Variants in TRAPPC9 observed in about 807,000 individuals in gnomAD.
TRAPPC9 encodes the protein trafficking protein particle complex subunit 9, also known as IKK2 binding protein.
In TRAPPC9, 83 loss-of-function variants were observed where a neutral mutation model predicts 124.0. That is an observed-to-expected ratio of 0.67 (90% CI 0.56 to 0.80). The LOEUF (loss-of-function observed/expected upper bound fraction) is 0.80. TRAPPC9 is among the 30% of genes least tolerant of loss of function. TRAPPC9 has a pLI of 0.00. For synonymous variants in TRAPPC9, 638 were observed against 617.5 expected, an observed-to-expected ratio of 1.03 and a Z score of -0.49; for missense variants, 1,302 against 1,508.3, an observed-to-expected ratio of 0.86 and a Z score of 2.27.
intron 9 of TRAPPC9, among the ~76,000 whole-genome samples, chr8:140,327,145 C>T (rs1177358077): frequency 6.6e-6 from 1 of 151,892 alleles, no homozygotes; most frequent in African/African-American, 2.4e-5. Context: ...CCCAGCTACT[C>T]GGGAGACTGA....
rs373077080 is a variant in TRAPPC9 at position 139,732,024 on chromosome 8, G to A, written c.3234C>T (p.His1078=). The change falls in exon 22 of 23, where the codon CAC becomes CAT. Residue 1078 remains histidine, a synonymous_variant. Coordinates refer to ENST00000438773, the MANE Select transcript of TRAPPC9 (RefSeq NM_001160372.4). ...TGGAGCCCACGAAGGAGACGGTGTC[G>A]TGCAGGTCGTAGTTGTGCACGCCGT... ...HQNGVHNYDL[H]DTVSFVGSST... is the part of the protein sequence containing the mutation. 2.2e-5 allele frequency: 35 copies of A among 1,601,480 alleles called. No individual in the cohort carries two copies. The highest frequency in any genetic ancestry group is 1.7e-4 in the African/African-American group (13 of 74,864).
At chr8:140,147,628 G>T (rs1327360911) in intron 17 of TRAPPC9, among the ~76,000 whole-genome samples, 1 of 152,242 alleles carries the variant, frequency 6.6e-6, no homozygotes, top group African/African-American at 2.4e-5. Context: ...TTATGTTTCA[G>T]TGAACATCAC....
intron 19 of TRAPPC9, among the ~76,000 whole-genome samples, chr8:139,922,872 G>A (rs934866133): frequency 3.3e-5 from 5 of 152,350 alleles, no homozygotes; most frequent in African/African-American, 1.2e-4. Context: ...GAAAGAATGA[G>A]GAACCTCTCT....
intron 15 of TRAPPC9, among the ~76,000 whole-genome samples, chr8:140,269,548 AAAATAAAATAAATAAATAAAT>A (rs1160653587): frequency 4.5e-5 from 6 of 133,652 alleles, no homozygotes; most frequent in African/African-American, 1.4e-4. Flanking sequence ...CTCAAAAAAT[AAAATAAAATAAATAAATAAAT>A]AAATAAATAA....
At chr8:140,331,406 G>A (rs2066891367) in intron 9 of TRAPPC9, among the ~76,000 whole-genome samples, 1 of 152,114 alleles carries the variant, frequency 6.6e-6, no homozygotes, top group African/African-American at 2.4e-5. Flanking sequence ...CAGGTCATTG[G>A]TCTAAGCAAA....
chr8:140,426,511 G>T, intron 5 of TRAPPC9, 104 bp downstream of exon 5: 2 of 1,158,188 alleles, frequency 1.7e-6, no homozygotes, highest in Non-Finnish European at 2.6e-6. Context: ...AAATCAGAAT[G>T]TTCCAAAGAT....
intron 17 of TRAPPC9, among the ~76,000 whole-genome samples, chr8:140,189,725 T>C (rs575199937): frequency 1.8e-4 from 28 of 152,264 alleles, no homozygotes; most frequent in Admixed American, 1.1e-3. Context: ...TTCATTACTT[T>C]GTGATAGGAA....
chr8:139,973,509 C>T (rs544348943), intron 19 of TRAPPC9, among the ~76,000 whole-genome samples: 1 of 152,330 alleles, frequency 6.6e-6, no homozygotes, highest in South Asian at 2.1e-4. Context: ...CAAGACCTGA[C>T]GTGGACAGGG....
intron 18 of TRAPPC9, among the ~76,000 whole-genome samples, chr8:139,996,874 G>A (rs1164277072): frequency 6.6e-6 from 1 of 152,064 alleles, no homozygotes; most frequent in Non-Finnish European, 1.5e-5. Context: ...CAAGTAGCTG[G>A]CATTACAGGC....
chr8:139,915,360 C>G (rs1832056575), intron 19 of TRAPPC9, among the ~76,000 whole-genome samples: 1 of 152,158 alleles, frequency 6.6e-6, no homozygotes, highest in Non-Finnish European at 1.5e-5. Flanking sequence ...GATTCTCGTG[C>G]CTCAGCCTCC....
chr8:140,285,737 T>C (rs368386146), intron 13 of TRAPPC9, among the ~76,000 whole-genome samples: 3 of 151,938 alleles, frequency 2.0e-5, no homozygotes, highest in Admixed American at 1.3e-4. Context: ...CCCCATTCAT[T>C]TGAATAGTTC....
At chr8:139,831,876 C>A (rs1390070363) in intron 21 of TRAPPC9, among the ~76,000 whole-genome samples, 1 of 152,240 alleles carries the variant, frequency 6.6e-6, no homozygotes, top group East Asian at 1.9e-4. Flanking sequence ...TGCCTCCGTG[C>A]TCTTTCCACA....
intron 17 of TRAPPC9, among the ~76,000 whole-genome samples, chr8:140,105,602 A>G (rs1187498496): frequency 6.6e-6 from 1 of 152,142 alleles, no homozygotes; most frequent in African/African-American, 2.4e-5. Flanking sequence ...CCTTTCTGGA[A>G]TGAGCTCCAT....
chr8:139,979,610 T>C (rs1459371052), intron 19 of TRAPPC9, among the ~76,000 whole-genome samples: 1 of 151,610 alleles, frequency 6.6e-6, no homozygotes, highest in Non-Finnish European at 1.5e-5. Flanking sequence ...GACCCCCGGG[T>C]GATGACAACA....
chr8:139,907,564 AGAGG>A lies in TRAPPC9; in HGVS notation c.2964+2579_2964+2582del, dbSNP rs1216728867. 1.5e-4 allele frequency among the ~76,000 whole-genome samples: 12 copies of A among 77,820 alleles called. No individual in the cohort carries two copies. Among genetic ancestry groups the A allele is most frequent in the Non-Finnish European group, 1.4e-4 (6 of 41,978 alleles). The allele number at this position is 77,820 out of a possible 152,430, so 51.1% of individuals were successfully genotyped here. On this transcript the variant is annotated intron_variant, in intron 20 of 22. Transcript: ENST00000438773. The surrounding 1 kb of genome is among the most constrained non-coding windows in gnomAD (Gnocchi z 4.7). Reference sequence around the variant, plus strand: ...GGGGGGGAGGAAGGGATGGAGGCAGAGAGGGAGGGAGGGAGGGAGGGAGGGATGA... The same window carrying A: ...GGGGGGGAGGAAGGGATGGAGGCAGAGAGGGAGGGAGGGAGGGAGGGATGA...
At chr8:140,000,220 A>C (rs11990048) in intron 18 of TRAPPC9, among the ~76,000 whole-genome samples, 120,608 of 152,128 alleles carry the variant, frequency 0.79, 48,205 homozygotes, top group East Asian at 0.93. Context: ...ACACTGTATA[A>C]AAAAATTAAT....
At chr8:140,285,962 C>A (rs1356855423) in intron 13 of TRAPPC9, among the ~76,000 whole-genome samples, 1 of 152,252 alleles carries the variant, frequency 6.6e-6, no homozygotes, top group Non-Finnish European at 1.5e-5. Flanking sequence ...TGAAGACCTA[C>A]TGTGTGCCAG....
At chr8:140,202,629 G>A (rs544170249) in intron 17 of TRAPPC9, among the ~76,000 whole-genome samples, 1 of 152,280 alleles carries the variant, frequency 6.6e-6, no homozygotes, top group South Asian at 2.1e-4. Flanking sequence ...TAAAACATTA[G>A]ATGCATGACT....
At chr8:140,051,576 C>CTTTTTT (rs1197128988) in intron 17 of TRAPPC9, among the ~76,000 whole-genome samples, 63 of 87,962 alleles carry the variant, frequency 7.2e-4, no homozygotes, top group African/African-American at 1.1e-3. Context: ...ATTGTTCATT[C>CTTTTTT]TTTTTTTTTT....
Sources: gnomAD v4.1 joint callset for allele counts (sites outside exome capture counted in the v4.1 genomes callset) on GRCh38, gnomAD v4.1.1 for gene constraint, Gnocchi (gnomAD v3.1) non-coding constraint, MANE v1.5 for transcripts, NCBI Gene and HGNC (gene_info 2026-07-23, HGNC 2026-07-21) for gene names.